Variants in AHNAK2 observed in about 807,000 individuals in gnomAD.
AHNAK2 encodes protein AHNAK2.
Under a neutral mutation model 30.7 loss-of-function variants are expected in AHNAK2, and 18 were observed. The ratio of observed to expected loss-of-function variants is 0.59; its 90% confidence interval spans 0.41 to 0.87. The LOEUF is 0.87. Ranked by LOEUF, AHNAK2 falls within the 40% of genes least tolerant of loss-of-function variation. The pLI is 0.00. For synonymous variants in AHNAK2, 3,590 were observed against 3,073.8 expected, an observed-to-expected ratio of 1.17 and a Z score of -5.56; for missense variants, 8,604 against 7,373.0, an observed-to-expected ratio of 1.17 and a Z score of -6.11.
At position 104,947,876 on chromosome 14, in the gene AHNAK2, G is replaced by GAGAGGC. The variant is rs1898383444; in HGVS notation, c.7574_7575insGCCTCT (p.Asp2525delinsGluProLeu). The GAGAGGC allele has an allele frequency of 1.2e-6, 2 of 1,612,376 alleles. No individual in the cohort carries two copies. Among genetic ancestry groups the GAGAGGC allele is most frequent in the Non-Finnish European group, 8.5e-7 (1 of 1,179,558 alleles). On this transcript the variant is annotated protein_altering_variant, in exon 7 of 7. Transcript: ENST00000333244. ...GAATGCTGAGGTCAGTGGCCTTGAG[G>GAGAGGC]TCCCCCTGCATGGAGGAGAGGCTCC...
At position 104,941,632 on chromosome 14, in the gene AHNAK2, C is replaced by G; in HGVS notation, c.13819G>C (p.Gly4607Arg). ...GACAGGTCCCCCTCAAGCCGCGCAC[C>G]ATCCAGCATGGATCCTGGGGCCTGG... Reference protein sequence around the residue: ...DVQAPGSMLDGARLEGDLSLA... With the variant: ...DVQAPGSMLDRARLEGDLSLA... The change falls in exon 7 of 7, where the codon GGT becomes CGT. Residue 4607 changes from glycine to arginine, a missense_variant. Transcript: ENST00000333244. The G allele has an allele frequency of 6.2e-7, 1 of 1,611,352 alleles. No homozygotes were observed. The highest frequency in any genetic ancestry group is 8.5e-7 in the Non-Finnish European group (1 of 1,179,004).
In AHNAK2 at chr14:104,940,070, C is replaced by A. The variant is rs765208629; in HGVS notation, c.15381G>T (p.Leu5127=). The change falls in exon 7 of 7, where the codon CTG becomes CTT. Residue 5127 remains leucine, a synonymous_variant. Coordinates refer to ENST00000333244, the MANE Select transcript of AHNAK2 (RefSeq NM_138420.4). The surrounding 1 kb of genome is among the most constrained non-coding windows in gnomAD (Gnocchi z 4.4). ...EADLPLPKHD[L]STEGDSRGCG... The stretch of plus-strand genomic sequence containing the variant: ...ATCCTCTGCTGTCACCTTCGGTAGA[C>A]AGATCATGTTTGGGAAGAGGCAGGT... The A allele has an allele frequency of 6.2e-7, 1 of 1,611,680 alleles. No individual in the cohort carries two copies. The highest frequency in any genetic ancestry group is 8.5e-7 in the Non-Finnish European group (1 of 1,178,498).
chr14:104,973,098 A>G (rs1416121495), intron 1 of AHNAK2, among the ~76,000 whole-genome samples: 1 of 152,178 alleles, frequency 6.6e-6, no homozygotes, highest in African/African-American at 2.4e-5. Context: ...CCCTGGCACC[A>G]CGTGGTGGGA....
At position 104,948,909 on chromosome 14, in the gene AHNAK2, G is replaced by A. The variant is rs199832067; in HGVS notation, c.6542C>T (p.Pro2181Leu). ...SIEASVDVSP[P>L]KVEADMSLPS... Reference sequence around the variant, plus strand: ...GAGACTCATGTCGGCCTCCACCTTGGGTGGAGACACATCCACCGAGGCCTC... The same window carrying A: ...GAGACTCATGTCGGCCTCCACCTTGAGTGGAGACACATCCACCGAGGCCTC... The change falls in exon 7 of 7, where the codon CCC (proline) becomes CTC (leucine). Residue 2181 changes from proline to leucine, a missense_variant. Physicochemically the swap from Pro to Leu is moderately conservative, Grantham distance 98 (BLOSUM62 -3). Coordinates refer to ENST00000333244, the MANE Select transcript of AHNAK2 (RefSeq NM_138420.4). 3.4e-3 allele frequency: 5,475 copies of A among 1,597,900 alleles called. 254 individuals are homozygous for A. In the African/African-American group the frequency reaches 0.066, roughly 19 times the overall value.
Position 104,938,869 on chromosome 14 carries a change from G to C in AHNAK2, c.16582C>G (p.Pro5528Ala). The C allele has an allele frequency of 6.2e-7, 1 of 1,613,850 alleles. No homozygotes were observed. ...GTGTACACTCTAGCCTGCGTGTGGG[G>C]CTCTGGGATTTTCACTTTTAATAAG... ...FSLLKVKIPE[P>A]HTQARVYTTM... Residue 5528 changes from proline to alanine, a missense_variant, in exon 7 of 7, where the codon CCC becomes GCC. Coordinates refer to ENST00000333244, the MANE Select transcript of AHNAK2 (RefSeq NM_138420.4).
Position 104,946,718 on chromosome 14 carries a change from G to A in AHNAK2, c.8733C>T (p.Leu2911=), listed in dbSNP as rs745753587. Residue 2911 remains leucine, a synonymous_variant, in exon 7 of 7, where the codon CTC becomes CTT. Coordinates refer to ENST00000333244, the MANE Select transcript of AHNAK2 (RefSeq NM_138420.4). ...MPSFKMPKVD[L]KGPQIDVKGP... ...CCTTGACGTCTATCTGGGGGCCCTTGAGATCCACTTTGGGCATCTTGAAAC... is the reference window on the plus strand; with the variant it reads ...CCTTGACGTCTATCTGGGGGCCCTTAAGATCCACTTTGGGCATCTTGAAAC... 2 of 1,612,570 alleles carry A rather than the reference G, an allele frequency of 1.2e-6. No individual in the cohort carries two copies. The highest frequency in any genetic ancestry group is 2.2e-5 in the South Asian group (2 of 91,020).
In AHNAK2 at chr14:104,957,413, G is replaced by A. The variant is rs1899007636; in HGVS notation, c.210C>T (p.Leu70=). The part of the protein sequence containing the change: ...EYTTEAADFG[L]QEDAPGRQGS... ...GGGCTCTGCCCAGCAGGCTCACCTG[G>A]AGTCCAAAGTCGGCAGCCTCAGTCG... Residue 70 remains leucine (L), a synonymous_variant, in exon 3 of 7, where the codon CTC becomes CTT. Transcript: ENST00000333244. 1 of 1,584,522 alleles carries A rather than the reference G, an allele frequency of 6.3e-7. No individual in the cohort carries two copies. The highest frequency in any genetic ancestry group is 1.3e-5 in the African/African-American group (1 of 74,488).
chr14:104,971,921 G>A (rs1899481876), intron 1 of AHNAK2, among the ~76,000 whole-genome samples: 1 of 152,268 alleles, frequency 6.6e-6, no homozygotes, highest in Non-Finnish European at 1.5e-5. Flanking sequence ...ACCCAGCCTG[G>A]GAGGTCAGCG....
At position 104,947,886 on chromosome 14, in the gene AHNAK2, A is replaced by G. The variant is rs1898384428; in HGVS notation, c.7565T>C (p.Met2522Thr). The G allele has an allele frequency of 6.2e-7, 1 of 1,612,580 alleles. No homozygotes were observed. The highest frequency in any genetic ancestry group is 2.2e-5 in the East Asian group (1 of 44,696). Residue 2522 changes from methionine (M) to threonine (T), a missense_variant, in exon 7 of 7, where the codon ATG becomes ACG. Physicochemically the swap from Met to Thr is moderately conservative, Grantham distance 81 (BLOSUM62 -1). Transcript: ENST00000333244. ...GTCAGTGGCCTTGAGGTCCCCCTGC[A>G]TGGAGGAGAGGCTCCCGTCGGCCTC... Reference protein sequence around the residue: ...KVEADGSLSSMQGDLKATDLS... With the variant: ...KVEADGSLSSTQGDLKATDLS...
chr14:104,949,803 T>C lies in AHNAK2; in HGVS notation c.5648A>G (p.Gln1883Arg). 3 of 1,587,258 alleles carry C rather than the reference T, an allele frequency of 1.9e-6. No individual in the cohort carries two copies. The highest frequency in any genetic ancestry group is 2.6e-6 in the Non-Finnish European group (3 of 1,163,076). Reference sequence around the variant, plus strand: ...GAGCTTCATGTCCACTTGGCCAGCCTGGACCACCAGGTCTGCAGAAGGGAG... The same window carrying C: ...GAGCTTCATGTCCACTTGGCCAGCCCGGACCACCAGGTCTGCAGAAGGGAG... ...IPLPSADLVV[Q>R]AGQVDMKLPE... Residue 1883 changes from glutamine (Q) to arginine (R), a missense_variant, in exon 7 of 7, where the codon CAG (glutamine) becomes CGG (arginine). By Grantham distance (43) the Gln-to-Arg change is conservative. Coordinates refer to ENST00000333244, the MANE Select transcript of AHNAK2 (RefSeq NM_138420.4).
chr14:104,952,466 G>A lies in AHNAK2; in HGVS notation c.2985C>T (p.Asp995=), dbSNP rs375003549. Residue 995 remains aspartate (D), a synonymous_variant, in exon 7 of 7, where the codon GAC becomes GAT. Transcript: ENST00000333244. ...SLADKDVTAK[D]SKFKMPKFKM... ...TGAACTTGGGCATTTTGAACTTGCT[G>A]TCTTTGGCAGTCACGTCCTTGTCGG... The A allele has an allele frequency of 5.0e-6, 8 of 1,612,656 alleles. No homozygotes were observed. The highest frequency in any genetic ancestry group is 3.3e-5 in the Admixed American group (2 of 59,892).
intron 1 of AHNAK2, 137 bp from the exon 2 acceptor site, chr14:104,957,809 CAG>C (rs1270873901): frequency 2.3e-6 from 2 of 877,052 alleles, no homozygotes; most frequent in Non-Finnish European, 3.5e-6. Flanking sequence ...AGAGCAAACT[CAG>C]GGGCTGGGGG....
In AHNAK2 at chr14:104,974,685, C is replaced by T. The variant is rs1191545755; in HGVS notation, c.55+3498G>A. On this transcript the variant is annotated intron_variant, in intron 1 of 6. Transcript: ENST00000333244. ...ATGACCTCCCAGGTCCCAGGGTTCC[C>T]GGGGTGGCTTTGAGACCCAGAAGGA... Among the ~76,000 whole-genome samples, 12 of 152,354 alleles carry T rather than the reference C, an allele frequency of 7.9e-5. No individual in the cohort carries two copies. In the East Asian group the frequency reaches 1.3e-3, roughly 17 times the overall value.
intron 1 of AHNAK2, among the ~76,000 whole-genome samples, chr14:104,971,655 C>T (rs1899475196): frequency 6.6e-6 from 1 of 152,228 alleles, no homozygotes. Flanking sequence ...CTATCCAGAG[C>T]TCCAGCTGCC....
rs140273448 is a variant in AHNAK2, at chr14:104,946,906, A to G, written c.8545T>C (p.Phe2849Leu). Residue 2849 changes from phenylalanine to leucine, a missense_variant, in exon 7 of 7, where the codon TTC (phenylalanine) becomes CTC (leucine). Phe to Leu is a conservative substitution (Grantham distance 22). Transcript: ENST00000333244. ...TTAAGATCCCCTTGCATGGAGGGGA[A>G]GCTCCCGTCAGCTTCCACCTTCAGC... is the stretch of plus-strand genomic sequence containing the variant. ...SELKVEADGS[F>L]PSMQGDLKTT... The G allele has an allele frequency of 4.9e-3, 7,844 of 1,609,430 alleles. 136 individuals are homozygous for G. Among genetic ancestry groups the G allele is most frequent in the African/African-American group, 0.026 (1,876 of 72,850 alleles).
rs779037612 is a variant in AHNAK2 at position 104,947,561 on chromosome 14, C to T, written c.7890G>A (p.Leu2630=). The change falls in exon 7 of 7, where the codon CTG becomes CTA. Residue 2630 remains leucine (L), a synonymous_variant. Transcript: ENST00000333244. ...TGTCGGCCAGGGACAGGTCCCCCTC[C>T]AGCCGCGCACCATCCAGCTTTGCTC... ...APRAKLDGAR[L]EGDLSLADKG... is the part of the protein sequence containing the mutation. 3.1e-6 allele frequency: 5 copies of T among 1,612,992 alleles called. No individual in the cohort carries two copies. Among genetic ancestry groups the T allele is most frequent in the Non-Finnish European group, 4.2e-6 (5 of 1,179,730 alleles).
rs1279438032 is a variant in AHNAK2, at chr14:104,946,399, G to C, written c.9052C>G (p.Gln3018Glu). The C allele has an allele frequency of 1.2e-6, 2 of 1,612,586 alleles. No individual in the cohort carries two copies. The highest frequency in any genetic ancestry group is 1.7e-5 in the Admixed American group (1 of 59,916). Reference protein sequence around the residue: ...VEAEVSLPSMQGDLKTTDISI... With the variant: ...VEAEVSLPSMEGDLKTTDISI... ...ATGTCAGTGGTCTTCAGGTCCCCCT[G>C]CATGGAGGGGAGGCTCACTTCGGCC... Residue 3018 changes from glutamine (Q) to glutamate (E), a missense_variant, in exon 7 of 7, where the codon CAG becomes GAG. Coordinates refer to ENST00000333244, the MANE Select transcript of AHNAK2 (RefSeq NM_138420.4).
In AHNAK2 at chr14:104,944,987, T is replaced by A. The variant is rs536646547; in HGVS notation, c.10464A>T (p.Pro3488=). 3.7e-6 allele frequency: 6 copies of A among 1,612,986 alleles called. No homozygotes were observed. The South Asian group carries it at 5.5e-5, about 15-fold the overall frequency. ...CCAGCGAGGCCTCGATGGACCTGCC[T>A]GGGGCCGACACCCCGAAGGAGGGCA... is the stretch of plus-strand genomic sequence containing the variant. ...FKMPSFGVSA[P]GRSIEASLDV... The change falls in exon 7 of 7, where the codon CCA becomes CCT. Residue 3488 remains proline (P), a synonymous_variant. Coordinates refer to ENST00000333244, the MANE Select transcript of AHNAK2 (RefSeq NM_138420.4).
chr14:104,949,361 G>T lies in AHNAK2; in HGVS notation c.6090C>A (p.Asp2030Glu). 1 of 1,573,140 alleles carries T rather than the reference G, an allele frequency of 6.4e-7. No homozygotes were observed. The highest frequency in any genetic ancestry group is 8.7e-7 in the Non-Finnish European group (1 of 1,153,418). The change falls in exon 7 of 7, where the codon GAC (aspartate) becomes GAA (glutamate). Residue 2030 changes from aspartate (D) to glutamate (E), a missense_variant. Physicochemically the swap from Asp to Glu is conservative, Grantham distance 45. Transcript: ENST00000333244. ...ADVSLPSMQG[D>E]LKTTDLSIQP... ...GAATGCTGAGGTCAGTGGTCTTCAGGTCCCCCTGCATGGAGGGGAGACTCA... is the reference window on the plus strand; with the variant it reads ...GAATGCTGAGGTCAGTGGTCTTCAGTTCCCCCTGCATGGAGGGGAGACTCA...
Sources: allele counts gnomAD v4.1 joint callset (sites outside exome capture counted in the v4.1 genomes callset), GRCh38; gene constraint gnomAD v4.1.1; non-coding constraint Gnocchi (gnomAD v3.1); transcripts MANE v1.5; gene names NCBI Gene and HGNC (gene_info 2026-07-23, HGNC 2026-07-21).